Variants in CREBRF observed in about 807,000 individuals in gnomAD.
The protein encoded by CREBRF is UPF0474 protein C5orf41.
A neutral mutation model predicts 66.1 loss-of-function variants in CREBRF; 5 were observed. The observed-to-expected ratio is 0.08, with a 90% confidence interval of 0.04 to 0.16. CREBRF has a LOEUF of 0.16. Ranked by LOEUF, CREBRF falls within the 10% of genes least tolerant of loss-of-function variation. CREBRF has a pLI of 1.00. For missense variants in CREBRF, 531 were observed against 744.9 expected (o/e 0.71, Z 3.34); for synonymous variants, 229 against 264.4 (o/e 0.87, Z 1.30).
intron 7 of CREBRF, among the ~76,000 whole-genome samples, chr5:173,121,526 G>A (rs1759139609): frequency 6.6e-6 from 1 of 151,954 alleles, no homozygotes; most frequent in African/African-American, 2.4e-5. Flanking sequence ...GTTTCACCGT[G>A]TTAGCCAGGT....
chr5:173,094,218 A>T (rs2113745019), intron 4 of CREBRF, among the ~76,000 whole-genome samples: 1 of 152,228 alleles, frequency 6.6e-6, no homozygotes, highest in African/African-American at 2.4e-5. Context: ...CTTATCTTGG[A>T]TTATGTGAAT....
chr5:173,086,667 G>C, intron 3 of CREBRF, 41 bp downstream of exon 3: 3 of 1,547,082 alleles, frequency 1.9e-6, no homozygotes, highest in Non-Finnish European at 2.6e-6. Context: ...ATTGATTTGG[G>C]GTAAAAGTTT....
At chr5:173,095,435 A>C (rs888047577) in intron 4 of CREBRF, among the ~76,000 whole-genome samples, 2 of 151,840 alleles carry the variant, frequency 1.3e-5, no homozygotes, top group Admixed American at 1.3e-4. Flanking sequence ...GTGATCTGCC[A>C]GCCTCGGCCT....
At chr5:173,081,994 C>G (rs993017748) in intron 2 of CREBRF, among the ~76,000 whole-genome samples, 2 of 134,876 alleles carry the variant, frequency 1.5e-5, no homozygotes, top group African/African-American at 5.3e-5. Context: ...GTTGCCCATT[C>G]AAGGTTTAGT....
chr5:173,085,821 G>C (rs911292903), intron 2 of CREBRF: 48 of 781,038 alleles, frequency 6.1e-5, no homozygotes, highest in Non-Finnish European at 1.0e-4. Flanking sequence ...GGAGTGATAG[G>C]CTTCTGTTTG....
chr5:173,090,975 T>A lies in CREBRF; in HGVS notation c.796T>A (p.Tyr266Asn), dbSNP rs759580464. ...AGATGCAGCAAAGGAGAACACCTGC[T>A]ACTGTGGTGCAGTGGCAAAGAGACA... ...HTDAAKENTC[Y>N]CGAVAKRQEK... The change falls in exon 4 of 9, where the codon TAC (tyrosine) becomes AAC (asparagine). Residue 266 changes from tyrosine (Y) to asparagine (N), a missense_variant. Transcript: ENST00000296953. The surrounding 1 kb of genome is among the most constrained non-coding windows in gnomAD (Gnocchi z 4.5). 21 of 1,614,024 alleles carry A rather than the reference T, an allele frequency of 1.3e-5. No homozygotes were observed. Among genetic ancestry groups the A allele is most frequent in the Non-Finnish European group, 1.6e-5 (19 of 1,179,984 alleles).
At position 173,133,883 on chromosome 5, in the gene CREBRF, G is replaced by A; in HGVS notation, c.*138G>A. Reference sequence around the variant, plus strand: ...GTTACATTGTTTTAAGAACTAAGTAGCATAAGTGAAGCATGATCCAAAATA... The same window carrying A: ...GTTACATTGTTTTAAGAACTAAGTAACATAAGTGAAGCATGATCCAAAATA... On this transcript the variant is annotated 3_prime_UTR_variant, in exon 9 of 9. Coordinates refer to ENST00000296953, the MANE Select transcript of CREBRF (RefSeq NM_153607.3). 1 of 512,136 alleles carries A rather than the reference G, an allele frequency of 2.0e-6. No homozygotes were observed. Among genetic ancestry groups the A allele is most frequent in the East Asian group, 3.3e-5 (1 of 29,870 alleles). 31.7% of individuals were successfully genotyped at this position (512,136 alleles called of 1,614,324 possible).
At chr5:173,110,817 A>G (rs1424193113) in intron 6 of CREBRF, 106 bp downstream of exon 6, 1 of 751,854 alleles carries the variant, frequency 1.3e-6, no homozygotes, top group Non-Finnish European at 2.1e-6. Context: ...TTTTTCTTGT[A>G]TAAATACTAC....
rs1561812002 is a variant in CREBRF, at chr5:173,110,535, A to G, written c.1431A>G (p.Val477=). Residue 477 remains valine (V), a synonymous_variant, in exon 6 of 9, where the codon GTA becomes GTG. Coordinates refer to ENST00000296953, the MANE Select transcript of CREBRF (RefSeq NM_153607.3). The part of the protein sequence containing the change: ...KNGLHHGKYA[V]KKSRRTDVED... The stretch of plus-strand genomic sequence containing the variant: ...AACTGTTTATAGGAAAATATGCAGT[A>G]AAGAAGTCACGGAGAACTGATGTAG... 6.2e-7 allele frequency: 1 copy of G among 1,612,156 alleles called. No individual in the cohort carries two copies. Among genetic ancestry groups the G allele is most frequent in the Non-Finnish European group, 8.5e-7 (1 of 1,178,318 alleles).
rs777971050 is a variant in CREBRF at position 173,134,442 on chromosome 5, T to C, written c.*697T>C. ...ATATATAGATGGAAAAATTATGGGG[T>C]TTAAATGTTTTTTTGTTCCAACTCT... On this transcript the variant is annotated 3_prime_UTR_variant, in exon 9 of 9. Transcript: ENST00000296953. 7.2e-5 allele frequency: 18 copies of C among 251,500 alleles called. 1 individual carries two copies. The highest frequency in any genetic ancestry group is 6.2e-4 in the South Asian group (16 of 25,658). 15.6% of individuals were successfully genotyped at this position (251,500 alleles called of 1,614,324 possible).
intron 4 of CREBRF, among the ~76,000 whole-genome samples, chr5:173,107,817 ATTTT>A (rs559120882): frequency 1.6e-5 from 2 of 121,846 alleles, no homozygotes; most frequent in Admixed American, 8.7e-5. Flanking sequence ...TCTCTACAAA[ATTTT>A]TTTTTTTTTT....
At chr5:173,108,114 G>A (rs1459186667) in intron 4 of CREBRF, among the ~76,000 whole-genome samples, 2 of 148,856 alleles carry the variant, frequency 1.3e-5, no homozygotes, top group Non-Finnish European at 3.0e-5. Context: ...TTACAGGTGT[G>A]AGCCACCACG....
Position 173,133,135 on chromosome 5 carries a change from T to C in CREBRF, c.1805-495T>C, listed in dbSNP as rs188798773. Among the ~76,000 whole-genome samples, 103 of 152,344 alleles carry C rather than the reference T, an allele frequency of 6.8e-4. 1 individual carries two copies. Among genetic ancestry groups the C allele is most frequent in the African/African-American group, 2.4e-3 (101 of 41,572 alleles). On this transcript the variant is annotated intron_variant, in intron 8 of 8. Transcript: ENST00000296953. Reference sequence around the variant, plus strand: ...ACATTTCTTATTCGTTCATTCACTTTTTTAAATGAAGAAAAGGAAACTTAA... The same window carrying C: ...ACATTTCTTATTCGTTCATTCACTTCTTTAAATGAAGAAAAGGAAACTTAA...
chr5:173,108,022 C>T (rs899493624), intron 4 of CREBRF, among the ~76,000 whole-genome samples: 3 of 150,892 alleles, frequency 2.0e-5, no homozygotes, highest in Admixed American at 6.6e-5. Context: ...TTAGTAGAGA[C>T]GATTTTGCCA....
chr5:173,114,146 A>G (rs1758931631), intron 7 of CREBRF, among the ~76,000 whole-genome samples: 2 of 152,248 alleles, frequency 1.3e-5, no homozygotes, highest in South Asian at 4.1e-4. Flanking sequence ...TTCCAACTGT[A>G]AAGTTTTCAA....
chr5:173,102,774 G>C (rs1276259594), intron 4 of CREBRF, among the ~76,000 whole-genome samples: 2 of 152,098 alleles, frequency 1.3e-5, no homozygotes, highest in African/African-American at 4.8e-5. Flanking sequence ...AGGACTCCAG[G>C]GATGGGTGGG....
intron 8 of CREBRF, among the ~76,000 whole-genome samples, chr5:173,129,790 T>C (rs972196008): frequency 5.3e-5 from 8 of 152,008 alleles, no homozygotes; most frequent in Non-Finnish European, 8.8e-5. Flanking sequence ...TAATTTTAAT[T>C]CAGATATCAG....
chr5:173,103,474 A>G (rs807428), intron 4 of CREBRF, among the ~76,000 whole-genome samples: 73,984 of 152,050 alleles, frequency 0.49, 19,146 homozygotes, highest in Non-Finnish European at 0.58. Flanking sequence ...CTTTGTAGCA[A>G]AAGAGTAAGG....
chr5:173,073,790 A>G (rs1757665119), intron 1 of CREBRF, among the ~76,000 whole-genome samples: 1 of 151,960 alleles, frequency 6.6e-6, no homozygotes, highest in Admixed American at 6.6e-5. Context: ...ATATGGTGAA[A>G]CACCGTCTCT....
Sources: allele counts gnomAD v4.1 joint callset (sites outside exome capture counted in the v4.1 genomes callset), GRCh38; gene constraint gnomAD v4.1.1; non-coding constraint Gnocchi (gnomAD v3.1); transcripts MANE v1.5; gene names NCBI Gene and HGNC (gene_info 2026-07-23, HGNC 2026-07-21).